Variants in WLS observed in about 807,000 individuals in gnomAD.
WLS encodes protein wntless homolog.
In WLS, 23 loss-of-function variants were observed where a neutral mutation model predicts 62.8. The ratio of observed to expected loss-of-function variants is 0.37; its 90% CI spans 0.26 to 0.52. The LOEUF (loss-of-function observed/expected upper bound fraction) is 0.52, where lower values mean the gene tolerates loss of function less well. Among genes scored for constraint, WLS ranks in the 20% least tolerant of loss-of-function variants. The pLI is 0.92. For synonymous variants in WLS, 246 were observed against 244.1 expected (o/e 1.01, Z -0.07); for missense variants, 615 against 697.3 (o/e 0.88, Z 1.33).
At chr1:68,192,396 T>G (rs541809588) in intron 2 of WLS, among the ~76,000 whole-genome samples, 122 of 151,838 alleles carry the variant, frequency 8.0e-4, no homozygotes, top group Middle Eastern at 6.8e-3. Context: ...GTGGGAAGAT[T>G]GCTTGAGCTC....
intron 9 of WLS, among the ~76,000 whole-genome samples, chr1:68,145,281 A>G (rs969805809): frequency 6.6e-6 from 1 of 152,196 alleles, no homozygotes; most frequent in Non-Finnish European, 1.5e-5. Context: ...AAGGACAGCC[A>G]CTTAGGCATG....
chr1:68,194,430 C>A (rs147013003), intron 1 of WLS, among the ~76,000 whole-genome samples: 51 of 152,258 alleles, frequency 3.3e-4, no homozygotes, highest in African/African-American at 1.2e-3. Context: ...TCTCTGAGAA[C>A]CTTCCCATTA....
At chr1:68,134,199 A>G (rs1646572534) in intron 11 of WLS, among the ~76,000 whole-genome samples, 1 of 152,194 alleles carries the variant, frequency 6.6e-6, no homozygotes, top group East Asian at 1.9e-4. Context: ...TTTCCAAGGA[A>G]CTTCGAAATC....
At chr1:68,173,410 C>CG (rs1647183701) in intron 2 of WLS, among the ~76,000 whole-genome samples, 1 of 134,620 alleles carries the variant, frequency 7.4e-6, no homozygotes, top group Non-Finnish European at 1.7e-5. Context: ...ACCTGCGTGC[C>CG]CCTCTCTCTC....
intron 2 of WLS, among the ~76,000 whole-genome samples, chr1:68,167,780 G>A (rs896483136): frequency 6.6e-6 from 1 of 152,164 alleles, no homozygotes; most frequent in African/African-American, 2.4e-5. Context: ...TTTTAGTTGG[G>A]TGGAGAATTC....
chr1:68,231,198 G>T (rs1650400868), intron 1 of WLS, among the ~76,000 whole-genome samples: 1 of 152,188 alleles, frequency 6.6e-6, no homozygotes, highest in Non-Finnish European at 1.5e-5. Flanking sequence ...GAGGGGAAGG[G>T]AGTTTTTCCG....
intron 3 of WLS, 152 bp from the exon 4 acceptor site, chr1:68,155,412 A>G (rs1646882994): frequency 4.5e-6 from 4 of 888,664 alleles, no homozygotes; most frequent in African/African-American, 1.7e-5. Context: ...TACTGGAGGC[A>G]TGGCGTCTAC....
At chr1:68,118,133 CAAAAT>C (rs970079962) in intron 11 of WLS, among the ~76,000 whole-genome samples, 2 of 152,014 alleles carry the variant, frequency 1.3e-5, no homozygotes, top group African/African-American at 2.4e-5. Flanking sequence ...ACATCCAAAT[CAAAAT>C]AAAAGCTAGT....
At chr1:68,226,341 A>G (rs944965121) in intron 1 of WLS, among the ~76,000 whole-genome samples, 3 of 152,118 alleles carry the variant, frequency 2.0e-5, no homozygotes, top group Non-Finnish European at 4.4e-5. Context: ...GTTTTACTAG[A>G]TCTTTCTGCA....
At chr1:68,168,605 G>T (rs922158252) in intron 2 of WLS, among the ~76,000 whole-genome samples, 11 of 152,204 alleles carry the variant, frequency 7.2e-5, no homozygotes, top group Admixed American at 1.3e-4. Flanking sequence ...GTTGTCAAAA[G>T]CTTTTAGGTT....
At chr1:68,211,056 A>G (rs1025888835) in intron 1 of WLS, among the ~76,000 whole-genome samples, 1 of 152,214 alleles carries the variant, frequency 6.6e-6, no homozygotes, top group Admixed American at 6.5e-5. Flanking sequence ...ATAGGCAACC[A>G]TCCAGCTAGG....
At chr1:68,145,018 CA>C (rs1646734626) in intron 9 of WLS, among the ~76,000 whole-genome samples, 1 of 152,152 alleles carries the variant, frequency 6.6e-6, no homozygotes, top group Non-Finnish European at 1.5e-5. Context: ...CTCCAGTGAA[CA>C]AAAAGAAATG....
In WLS at chr1:68,226,338, T is replaced by C. The variant is rs186838550; in HGVS notation, c.106+5856A>G. ...GCTAGGTAATCTTGTGCAGTTTTACTAGATCTTTCTGCACCTCAGTTCCCT... is the reference window on the plus strand; with the variant it reads ...GCTAGGTAATCTTGTGCAGTTTTACCAGATCTTTCTGCACCTCAGTTCCCT... On this transcript the variant is annotated intron_variant, in intron 1 of 11. Transcript: ENST00000262348. 2.7e-3 allele frequency among the ~76,000 whole-genome samples: 418 copies of C among 152,284 alleles called. 1 individual carries two copies. The highest frequency in any genetic ancestry group is 0.027 in the Middle Eastern group (8 of 294).
chr1:68,098,835 A>C (rs781701850), intron 11 of WLS: 38 of 1,482,744 alleles, frequency 2.6e-5, no homozygotes, highest in Non-Finnish European at 3.4e-5. Flanking sequence ...ACCAAGGCTC[A>C]GGTAACTATA....
chr1:68,167,801 G>T (rs1021590841), intron 2 of WLS, among the ~76,000 whole-genome samples: 8 of 152,222 alleles, frequency 5.3e-5, no homozygotes, highest in East Asian at 1.9e-4. Context: ...ATTCAGAGGA[G>T]GAAGGGAAGT....
intron 3 of WLS, among the ~76,000 whole-genome samples, chr1:68,157,319 C>T (rs1261786425): frequency 6.6e-6 from 1 of 152,198 alleles, no homozygotes; most frequent in Admixed American, 6.5e-5. Flanking sequence ...AACATGGACA[C>T]CCTTGACACA....
intron 11 of WLS, among the ~76,000 whole-genome samples, chr1:68,104,170 G>A (rs752462553): frequency 1.1e-4 from 16 of 148,144 alleles, no homozygotes; most frequent in Non-Finnish European, 1.9e-4. Context: ...TCTGTCTCTC[G>A]GGGCCCTGCA....
At chr1:68,184,283 G>A (rs908602848) in intron 2 of WLS, among the ~76,000 whole-genome samples, 1 of 152,170 alleles carries the variant, frequency 6.6e-6, no homozygotes, top group South Asian at 2.1e-4. Flanking sequence ...AGAGTCTGGG[G>A]TATACTAAGT....
intron 1 of WLS, chr1:68,231,478 CT>C (rs1557535332): frequency 3.5e-6 from 1 of 284,404 alleles, no homozygotes; most frequent in African/African-American, 2.2e-5. Flanking sequence ...AAAGCAACAC[CT>C]TTCGGATACG....
Sources: gnomAD v4.1 joint callset for allele counts (sites outside exome capture counted in the v4.1 genomes callset) on GRCh38, gnomAD v4.1.1 for gene constraint, MANE v1.5 for transcripts, NCBI Gene and HGNC (gene_info 2026-07-23, HGNC 2026-07-21) for gene names.